ANKRD27: variants seen among roughly 807,000 people sequenced by gnomAD.
The protein encoded by ANKRD27 is ankyrin repeat domain 27, also known as ankyrin repeat domain-containing protein 27.
A neutral mutation model predicts 129.7 loss-of-function variants in ANKRD27; 112 were observed. The observed-to-expected ratio is 0.86, with a 90% confidence interval of 0.74 to 1.01. The LOEUF (loss-of-function observed/expected upper bound fraction) is 1.01, where lower values mean the gene tolerates loss of function less well. ANKRD27 is among the 50% of genes least tolerant of loss of function. The pLI is 0.00. For missense variants in ANKRD27, 1,258 were observed against 1,300.5 expected (o/e 0.97, Z 0.50); for synonymous variants, 516 against 511.2 (o/e 1.01, Z -0.13).
rs201922550 is a variant in ANKRD27 at position 32,598,331 on chromosome 19, C to G, written c.2967G>C (p.Gln989His). The G allele has an allele frequency of 7.4e-6, 12 of 1,614,222 alleles. No individual in the cohort carries two copies. Among genetic ancestry groups the G allele is most frequent in the Non-Finnish European group, 1.0e-5 (12 of 1,180,044 alleles). The change falls in exon 29 of 29, where the codon CAG (glutamine) becomes CAC (histidine). Residue 989 changes from glutamine to histidine, a missense_variant. Coordinates refer to ENST00000306065, the MANE Select transcript of ANKRD27 (RefSeq NM_032139.3). ...CTTTCTCAGCAGCATGAGATCCACT[C>G]TGAGCTGGCAGGTTATTCTGTCTCA... ...VTLRQNNLPA[Q>H]SGSHAAEKGN...
chr19:32,609,510 T>C (rs1939523389), intron 22 of ANKRD27, among the ~76,000 whole-genome samples: 1 of 152,150 alleles, frequency 6.6e-6, no homozygotes, highest in Admixed American at 6.5e-5. Flanking sequence ...TGATCCAACA[T>C]GGGTCTCAAA....
chr19:32,659,244 C>T (rs568283778), intron 1 of ANKRD27, among the ~76,000 whole-genome samples, 199 bp from the exon 2 acceptor site: 24 of 150,808 alleles, frequency 1.6e-4, no homozygotes, highest in African/African-American at 5.8e-4. Context: ...ACCACACCCG[C>T]GAATTTTTGT....
intron 2 of ANKRD27, among the ~76,000 whole-genome samples, chr19:32,656,202 T>C (rs1967534168): frequency 6.6e-6 from 1 of 152,084 alleles, no homozygotes; most frequent in Non-Finnish European, 1.5e-5. Context: ...AGATAGAGCT[T>C]CCCCAAAGAG....
intron 2 of ANKRD27, among the ~76,000 whole-genome samples, chr19:32,655,635 C>T (rs1967503907): frequency 6.6e-6 from 1 of 152,114 alleles, no homozygotes; most frequent in African/African-American, 2.4e-5. Context: ...AATCCCAGCA[C>T]TTTGGGAGGC....
chr19:32,625,852 C>CG, intron 17 of ANKRD27, 22 bp downstream of exon 17: 2 of 1,547,004 alleles, frequency 1.3e-6, no homozygotes, highest in Non-Finnish European at 1.7e-6. Flanking sequence ...GCAGCCCCCC[C>CG]GGAACAGCAA....
chr19:32,667,811 G>A (rs570366402), intron 1 of ANKRD27, among the ~76,000 whole-genome samples: 1 of 122,366 alleles, frequency 8.2e-6, no homozygotes, highest in East Asian at 2.3e-4. Context: ...CAGCCTGGGC[G>A]ACAAGAGTGA....
chr19:32,629,998 GCTCAAGTGATC>G (rs1966964944), intron 13 of ANKRD27, among the ~76,000 whole-genome samples: 1 of 151,854 alleles, frequency 6.6e-6, no homozygotes, highest in Non-Finnish European at 1.5e-5. Flanking sequence ...AACCTCTCGG[GCTCAAGTGATC>G]CTCCCACCTT....
chr19:32,616,005 A>C (rs3760939), intron 21 of ANKRD27, among the ~76,000 whole-genome samples: 80,059 of 151,692 alleles, frequency 0.53, 21,669 homozygotes, highest in Non-Finnish European at 0.57. Flanking sequence ...AAAGGACAGG[A>C]AGATTGGTGC....
In ANKRD27 at chr19:32,605,835, C is replaced by G. The variant is rs1421908397; in HGVS notation, c.2493G>C (p.Gln831His). 6.2e-7 allele frequency: 1 copy of G among 1,612,806 alleles called. No individual in the cohort carries two copies. The stretch of plus-strand genomic sequence containing the variant: ...AATGAGGACAGGAAGGGGCCCTCAC[C>G]TGTAGCAGCAGTGCCACAAGCTCGT... ...GHHELVALLL[Q>H]HGASINASNN... Residue 831 changes from glutamine to histidine, a missense_variant and splice_region_variant, in exon 24 of 29, where the codon CAG (glutamine) becomes CAC (histidine). By Grantham distance (24) the Gln-to-His change is conservative. Transcript: ENST00000306065.
chr19:32,609,693 C>T (rs2145263949), intron 22 of ANKRD27, among the ~76,000 whole-genome samples: 1 of 152,038 alleles, frequency 6.6e-6, no homozygotes, highest in Middle Eastern at 3.4e-3. Flanking sequence ...GGCAAAATCT[C>T]ACAGGAAACT....
At chr19:32,666,638 TCTA>T (rs370679827) in intron 1 of ANKRD27, among the ~76,000 whole-genome samples, 31 of 67,080 alleles carry the variant, frequency 4.6e-4, no homozygotes, top group African/African-American at 1.8e-3. Flanking sequence ...AAATCAGATT[TCTA>T]TTTTTTTTTT....
intron 4 of ANKRD27, 103 bp from the exon 5 acceptor site, chr19:32,644,582 C>T: frequency 1.5e-6 from 2 of 1,348,052 alleles, no homozygotes; most frequent in East Asian, 2.3e-5. Flanking sequence ...GGGCAAATGT[C>T]CTTATTTCAA....
In ANKRD27 at chr19:32,628,796, GTCCT is replaced by G. The variant is rs1966937520; in HGVS notation, c.1259_1262del (p.Glu420AlafsTer28). ...TCTTTTGGACGGTATCTTTATCATG[GTCCT>G]CTTGGCTCAGAAGTCTCTCCACTTC... On this transcript the variant is annotated frameshift_variant, in exon 14 of 29. Transcript: ENST00000306065. LOFTEE classifies it high-confidence loss of function. 1 of 1,613,988 alleles carries G rather than the reference GTCCT, an allele frequency of 6.2e-7. No individual in the cohort carries two copies. Among genetic ancestry groups the G allele is most frequent in the Non-Finnish European group, 8.5e-7 (1 of 1,180,042 alleles).
intron 28 of ANKRD27, among the ~76,000 whole-genome samples, chr19:32,599,280 CAAAT>C (rs764952416): frequency 6.6e-6 from 1 of 151,830 alleles, no homozygotes; most frequent in Non-Finnish European, 1.5e-5. Flanking sequence ...GACTCTGTCT[CAAAT>C]AAATAAATAA....
chr19:32,599,906 G>T, intron 27 of ANKRD27, 66 bp downstream of exon 27: 1 of 1,522,410 alleles, frequency 6.6e-7, no homozygotes, highest in African/African-American at 1.4e-5. Flanking sequence ...AATTGAAGCA[G>T]CTTACGTGCA....
At chr19:32,613,470 T>C (rs185805339) in intron 22 of ANKRD27, among the ~76,000 whole-genome samples, 31 of 152,324 alleles carry the variant, frequency 2.0e-4, no homozygotes, top group Non-Finnish European at 4.1e-4. Context: ...CTTGTGTTCT[T>C]ACCGAAACGT....
In ANKRD27 at chr19:32,628,963, C is replaced by T. The variant is rs1441169135; in HGVS notation, c.1210-114G>A. The T allele has an allele frequency of 1.6e-5, 20 of 1,212,534 alleles. No individual in the cohort carries two copies. In the African/African-American group the frequency reaches 3.0e-4, roughly 18 times the overall value. 75.1% of individuals were successfully genotyped at this position (1,212,534 alleles called of 1,614,324 possible). On this transcript the variant is annotated intron_variant, in intron 13 of 28. Coordinates refer to ENST00000306065, the MANE Select transcript of ANKRD27 (RefSeq NM_032139.3). ...TGAGATGGAGTCTCGTCCTGTCGCC[C>T]AGGCTGGAGTGCAATGGTGTGATCT...
At position 32,635,089 on chromosome 19, in the gene ANKRD27, C is replaced by A. The variant is rs570787184; in HGVS notation, c.1117-3595G>T. On this transcript the variant is annotated intron_variant, in intron 12 of 28. Coordinates refer to ENST00000306065, the MANE Select transcript of ANKRD27 (RefSeq NM_032139.3). ...CCTTACAACCTGGTGAAGGCCTCCA[C>A]AGAAAATGAGAAAGCAGAAGACAGC... 3.9e-5 allele frequency among the ~76,000 whole-genome samples: 6 copies of A among 152,268 alleles called. No homozygotes were observed. In the East Asian group the frequency reaches 1.2e-3, roughly 29 times the overall value.
chr19:32,673,214 C>A (rs1245534708), intron 1 of ANKRD27: 1 of 882,744 alleles, frequency 1.1e-6, no homozygotes, highest in African/African-American at 1.8e-5. Flanking sequence ...GGTCACCAGG[C>A]AAGACTGGGT....
Sources: allele counts gnomAD v4.1 joint callset (sites outside exome capture counted in the v4.1 genomes callset), GRCh38; gene constraint gnomAD v4.1.1; transcripts MANE v1.5; gene names NCBI Gene and HGNC (gene_info 2026-07-23, HGNC 2026-07-21).